ZNF45: variants seen among roughly 807,000 people sequenced by gnomAD.
The protein encoded by ZNF45 is zinc finger protein 45, also known as BRC1744.
ZNF45 carries 4 observed loss-of-function variants against 12.0 expected under a neutral mutation model. The observed-to-expected ratio is 0.33, with a 90% CI of 0.16 to 0.76. The LOEUF is 0.76. Among genes scored for constraint, ZNF45 ranks in the 30% least tolerant of loss-of-function variants. ZNF45 has a pLI of 0.60. For missense variants in ZNF45, 700 were observed against 813.0 expected (o/e 0.86, Z 1.69); for synonymous variants, 272 against 279.6 (o/e 0.97, Z 0.27).
At chr19:43,919,184 A>T (rs962139588) in intron 8 of ZNF45, among the ~76,000 whole-genome samples, 1 of 152,154 alleles carries the variant, frequency 6.6e-6, no homozygotes, top group Admixed American at 6.5e-5. Flanking sequence ...TACCCCCTCC[A>T]TTGTCTCTCA....
chr19:43,922,418 TG>T (rs906142434), intron 6 of ZNF45: 3 of 487,558 alleles, frequency 6.2e-6, no homozygotes, highest in African/African-American at 5.7e-5. Context: ...TGTAAGACCC[TG>T]GCAGCAAGTG....
rs417699 is a variant in ZNF45 at position 43,913,423 on chromosome 19, A to G, written c.2013T>C (p.Phe671=). 792,887 of 1,565,144 alleles carry G rather than the reference A, an allele frequency of 0.51. 205,463 individuals carry two copies. Among genetic ancestry groups the G allele is most frequent in the East Asian group, 0.83 (36,961 of 44,466 alleles). The change falls in exon 10 of 10, where the codon TTT becomes TTC. Residue 671 remains phenylalanine, a synonymous_variant. Coordinates refer to ENST00000269973, the MANE Select transcript of ZNF45 (RefSeq NM_003425.4). Reference sequence around the variant, plus strand: ...TCCTGTGTGAATCCTCTGATGAAGGAAAGTCCTTGTCACCCTCATCATCAG... The same window carrying G: ...TCCTGTGTGAATCCTCTGATGAAGGGAAGTCCTTGTCACCCTCATCATCAG... ...VHADDEGDKD[F]PSSEDSHRKT...
chr19:43,926,258 G>C (rs1320666432), intron 3 of ZNF45: 1 of 152,162 alleles, frequency 6.6e-6, no homozygotes, highest in Non-Finnish European at 1.5e-5. Context: ...TGGAGAGCAA[G>C]GGTTTTATTT....
At chr19:43,919,783 G>A (rs2146891564) in intron 7 of ZNF45, 84 bp from the exon 8 acceptor site, 2 of 1,481,644 alleles carry the variant, frequency 1.3e-6, no homozygotes, top group East Asian at 4.9e-5. Flanking sequence ...TGAAAAAGAT[G>A]TGTAGGGAAA....
chr19:43,919,372 G>C (rs2047421991), intron 8 of ZNF45, among the ~76,000 whole-genome samples: 1 of 152,166 alleles, frequency 6.6e-6, no homozygotes, highest in African/African-American at 2.4e-5. Flanking sequence ...AAAGTGTATA[G>C]TTGTCATGCT....
intron 7 of ZNF45, among the ~76,000 whole-genome samples, chr19:43,920,533 GGT>G (rs1491202925): frequency 2.4e-5 from 3 of 125,626 alleles, no homozygotes; most frequent in East Asian, 2.3e-4. Context: ...GATGTTGCCG[GGT>G]GGGGGGGGGG....
At chr19:43,930,792 C>A (rs532637029) in intron 3 of ZNF45, among the ~76,000 whole-genome samples, 3 of 152,268 alleles carry the variant, frequency 2.0e-5, no homozygotes, top group African/African-American at 7.2e-5. Context: ...CATAGCTACA[C>A]TGAAAAAGGT....
In ZNF45 at chr19:43,914,189, T is replaced by TA. The variant is rs1261899306; in HGVS notation, c.1246dup (p.Tyr416LeufsTer4). 3.1e-6 allele frequency: 5 copies of TA among 1,608,614 alleles called. No homozygotes were observed. The highest frequency in any genetic ancestry group is 4.3e-6 in the Non-Finnish European group (5 of 1,175,872). ...GCCCTTACCACATGCATCACACTGA[T>TA]ACGGTTTCTCTCCAGTATGGCCTCT... On this transcript the variant is annotated frameshift_variant, in exon 10 of 10. Coordinates refer to ENST00000269973, the MANE Select transcript of ZNF45 (RefSeq NM_003425.4). LOFTEE classifies it low-confidence loss of function (END_TRUNC).
rs1010788914 is a variant in ZNF45 at position 43,914,634 on chromosome 19, T to C, written c.802A>G (p.Ile268Val). 2 of 1,613,706 alleles carry C rather than the reference T, an allele frequency of 1.2e-6. No homozygotes were observed. The highest frequency in any genetic ancestry group is 1.3e-5 in the African/African-American group (1 of 74,920). ...GKSSHCQAPL[I>V]VHTGEKPYKC... ...TAGGGTTTCTCTCCCGTATGAACTA[T>C]CAGAGGAGCTTGACAATGTGAGCTT... Residue 268 changes from isoleucine (I) to valine (V), a missense_variant, in exon 10 of 10, where the codon ATA becomes GTA. Coordinates refer to ENST00000269973, the MANE Select transcript of ZNF45 (RefSeq NM_003425.4).
At chr19:43,925,729 A>T (rs866501722) in intron 3 of ZNF45, among the ~76,000 whole-genome samples, 1 of 152,094 alleles carries the variant, frequency 6.6e-6, no homozygotes, top group South Asian at 2.1e-4. Flanking sequence ...TCAAAAGATT[A>T]TCCTGCCTCA....
In ZNF45 at chr19:43,919,449, A is replaced by G. The variant is rs558287054; in HGVS notation, c.142+124T>C. 364 of 1,210,770 alleles carry G rather than the reference A, an allele frequency of 3.0e-4. 4 individuals carry two copies. In the South Asian group the frequency reaches 5.6e-3, roughly 19 times the overall value. The allele number at this position is 1,210,770 out of a possible 1,614,324, so 75.0% of individuals were successfully genotyped here. A position where few individuals can be genotyped will look rare whatever the true frequency, so the allele number is the denominator to read the frequency against. On this transcript the variant is annotated intron_variant, in intron 8 of 9. Transcript: ENST00000269973. ...GGGAGAAAGACTTTAAAAATTCCATATCTGTCTTATGATGGATGATTAGAA... is the reference window on the plus strand; with the variant it reads ...GGGAGAAAGACTTTAAAAATTCCATGTCTGTCTTATGATGGATGATTAGAA...
chr19:43,920,599 GT>G (rs61470860), intron 7 of ZNF45, among the ~76,000 whole-genome samples: 24 of 76,080 alleles, frequency 3.2e-4, no homozygotes, highest in African/African-American at 5.5e-4. Flanking sequence ...TATCGTATTG[GT>G]TTTTTTTTTT....
At chr19:43,928,711 C>T (rs185202995) in intron 3 of ZNF45, among the ~76,000 whole-genome samples, 1 of 152,244 alleles carries the variant, frequency 6.6e-6, no homozygotes, top group East Asian at 1.9e-4. Flanking sequence ...TGCCTAAGGG[C>T]AAAAAGAACT....
rs444816 is a variant in ZNF45 at position 43,934,214 on chromosome 19, T to C, written c.-487+212A>G. Among the ~76,000 whole-genome samples the C allele has an allele frequency of 0.35, 53,508 of 151,962 alleles. 9,573 individuals are homozygous for C. Among genetic ancestry groups the C allele is most frequent in the Middle Eastern group, 0.44 (129 of 294 alleles). ...ATAATTGGTGTAATAACAGTACCCA[T>C]ATCACAATACCCACATCACCTTTGT... On this transcript the variant is annotated intron_variant, in intron 2 of 9. Transcript: ENST00000269973.
chr19:43,926,747 G>C (rs1361375717), intron 3 of ZNF45, among the ~76,000 whole-genome samples: 1 of 152,170 alleles, frequency 6.6e-6, no homozygotes, highest in Non-Finnish European at 1.5e-5. Flanking sequence ...AGCTTAATCT[G>C]AGCCCTGGAG....
chr19:43,919,991 T>A (rs1179956411), intron 7 of ZNF45, among the ~76,000 whole-genome samples: 2 of 152,170 alleles, frequency 1.3e-5, no homozygotes, highest in African/African-American at 4.8e-5. Context: ...ACTTCCAAAT[T>A]ATGATGTACG....
intron 6 of ZNF45, among the ~76,000 whole-genome samples, chr19:43,922,888 C>T (rs1599778148): frequency 7.2e-6 from 1 of 138,278 alleles, no homozygotes; most frequent in African/African-American, 2.7e-5. Context: ...TGCAGTGGCA[C>T]AATCATGACT....
Position 43,915,018 on chromosome 19 carries a change from A to G in ZNF45, c.418T>C (p.Tyr140His). 6.2e-7 allele frequency: 1 copy of G among 1,610,178 alleles called. No homozygotes were observed. The highest frequency in any genetic ancestry group is 1.1e-5 in the South Asian group (1 of 90,696). Reference protein sequence around the residue: ...CQLEKRDDLHYKDEGFSNQSS... With the variant: ...CQLEKRDDLHHKDEGFSNQSS... The stretch of plus-strand genomic sequence containing the variant: ...TGATTACTGAATCCCTCATCTTTAT[A>G]GTGCAAATCATCTCGTTTTTCCAAC... Residue 140 changes from tyrosine to histidine, a missense_variant, in exon 10 of 10, where the codon TAT (tyrosine) becomes CAT (histidine). Transcript: ENST00000269973.
intron 6 of ZNF45, among the ~76,000 whole-genome samples, chr19:43,923,346 T>C (rs962757075): frequency 3.9e-5 from 6 of 152,142 alleles, no homozygotes; most frequent in African/African-American, 1.4e-4. Flanking sequence ...TGCAGTAAGA[T>C]ATTCTGAGAG....
Sources: allele counts gnomAD v4.1 joint callset (sites outside exome capture counted in the v4.1 genomes callset), GRCh38; gene constraint gnomAD v4.1.1; transcripts MANE v1.5; gene names NCBI Gene and HGNC (gene_info 2026-07-23, HGNC 2026-07-21).